IL1R2: variants seen among roughly 807,000 people sequenced by gnomAD.
IL1R2 encodes the protein interleukin 1 receptor type 2.
A neutral mutation model predicts 39.5 loss-of-function variants in IL1R2; 46 were observed. That is an observed-to-expected ratio of 1.16 (90% CI 0.92 to 1.49). The LOEUF (loss-of-function observed/expected upper bound fraction) is 1.49. Among genes scored for constraint, IL1R2 ranks in the 40% most tolerant of loss-of-function variants. IL1R2 has a pLI of 0.00. For synonymous variants in IL1R2, 207 were observed against 189.6 expected, an observed-to-expected ratio of 1.09 and a Z score of -0.75; for missense variants, 537 against 502.0, an observed-to-expected ratio of 1.07 and a Z score of -0.67.
intron 1 of IL1R2, among the ~76,000 whole-genome samples, chr2:101,995,526 A>G (rs1675547466): frequency 6.6e-6 from 1 of 152,212 alleles, no homozygotes; most frequent in Non-Finnish European, 1.5e-5. Flanking sequence ...GACCCTGAGC[A>G]GAGACATCTC....
chr2:102,018,899 C>T (rs1677181158), intron 4 of IL1R2, among the ~76,000 whole-genome samples: 1 of 152,202 alleles, frequency 6.6e-6, no homozygotes, highest in Non-Finnish European at 1.5e-5. Context: ...AGCCATGTGG[C>T]AATTTCAATT....
chr2:102,006,982 T>C (rs1187154117), intron 1 of IL1R2, among the ~76,000 whole-genome samples: 1 of 152,164 alleles, frequency 6.6e-6, no homozygotes, highest in Non-Finnish European at 1.5e-5. Flanking sequence ...GAGACACCCA[T>C]GGAGCAGACT....
intron 6 of IL1R2, among the ~76,000 whole-genome samples, chr2:102,023,914 G>A (rs1677552692): frequency 6.6e-6 from 1 of 152,098 alleles, no homozygotes; most frequent in Non-Finnish European, 1.5e-5. Context: ...GCCGGGCGTG[G>A]TGGCGGGTGC....
chr2:102,028,350 G>C lies in IL1R2; in HGVS notation c.1155G>C (p.Val385=). 6.2e-7 allele frequency: 1 copy of C among 1,606,688 alleles called. No individual in the cohort carries two copies. The highest frequency in any genetic ancestry group is 8.5e-7 in the Non-Finnish European group (1 of 1,176,460). Residue 385 remains valine (V), a synonymous_variant, in exon 9 of 9, where the codon GTG becomes GTC. Coordinates refer to ENST00000332549, the MANE Select transcript of IL1R2 (RefSeq NM_004633.4). ...CTGGAAAAGCAGATGGTCTGACTGT[G>C]CTATGGCCTCATCATCAAGACTTTC... is the stretch of plus-strand genomic sequence containing the variant. The part of the protein sequence containing the change: ...HRTGKADGLT[V]LWPHHQDFQS...
At chr2:102,008,852 G>A (rs1368889325) in intron 2 of IL1R2, among the ~76,000 whole-genome samples, 2 of 128,428 alleles carry the variant, frequency 1.6e-5, no homozygotes, top group African/African-American at 3.3e-5. Context: ...AGAGACCCAC[G>A]TCTCTACAAA....
chr2:102,015,923 A>G lies in IL1R2; in HGVS notation c.385A>G (p.Thr129Ala). The part of the protein sequence containing the change: ...MSIELRVFEN[T>A]DAFLPFISYP... ...CATTGAGCTCAGAGTTTTTGAGAAT[A>G]CAGATGCTTTCCTGCCGTTCATCTC... The change falls in exon 4 of 9, where the codon ACA becomes GCA. Residue 129 changes from threonine to alanine, a missense_variant. By Grantham distance (58) the Thr-to-Ala change is moderately conservative. Coordinates refer to ENST00000332549, the MANE Select transcript of IL1R2 (RefSeq NM_004633.4). 6.2e-7 allele frequency: 1 copy of G among 1,614,100 alleles called. No homozygotes were observed. Among genetic ancestry groups the G allele is most frequent in the Non-Finnish European group, 8.5e-7 (1 of 1,179,950 alleles).
chr2:102,017,531 T>C (rs561852133), intron 4 of IL1R2, among the ~76,000 whole-genome samples: 1 of 152,270 alleles, frequency 6.6e-6, no homozygotes, highest in African/African-American at 2.4e-5. Context: ...ACATCAGATA[T>C]TGTCATTAGA....
At chr2:102,025,120 A>T (rs1259056648) in intron 7 of IL1R2, among the ~76,000 whole-genome samples, 2 of 152,066 alleles carry the variant, frequency 1.3e-5, no homozygotes, top group African/African-American at 2.4e-5. Context: ...GTTAATAATT[A>T]AAAAAAAGAA....
chr2:102,011,212 A>G (rs1466205473), intron 3 of IL1R2, among the ~76,000 whole-genome samples: 1 of 152,200 alleles, frequency 6.6e-6, no homozygotes, highest in East Asian at 1.9e-4. Flanking sequence ...ATGTGAAGAT[A>G]TCTGTTCAAA....
intron 1 of IL1R2, among the ~76,000 whole-genome samples, chr2:101,996,499 TTTTTTTG>T (rs1409203359): frequency 1.0e-3 from 146 of 144,362 alleles, no homozygotes; most frequent in African/African-American, 3.3e-3. Context: ...TTTTTTTTTT[TTTTTTTG>T]GGGGGGAGAA....
In IL1R2 at chr2:102,026,094, A is replaced by G; in HGVS notation, c.888-17A>G. 6.4e-7 allele frequency: 1 copy of G among 1,560,790 alleles called. No homozygotes were observed. Among genetic ancestry groups the G allele is most frequent in the South Asian group, 1.1e-5 (1 of 87,236 alleles). ...ATTCGATACAATCATAATTAAGTGA[A>G]TGTTTTTTTAACTCAGGGAATATTC... On this transcript the variant is annotated splice_polypyrimidine_tract_variant and intron_variant, in intron 7 of 8. Transcript: ENST00000332549.
chr2:102,007,607 G>T lies in IL1R2; in HGVS notation c.-61-908G>T, dbSNP rs3218847. Among the ~76,000 whole-genome samples, 989 of 152,290 alleles carry T rather than the reference G, an allele frequency of 6.5e-3. 12 individuals carry two copies. The highest frequency in any genetic ancestry group is 0.023 in the African/African-American group (938 of 41,556). Reference sequence around the variant, plus strand: ...CCAAGATTAAGGACAATGCCCAGGAGAAAAAACATGGAATCACAGAAAAAG... The same window carrying T: ...CCAAGATTAAGGACAATGCCCAGGATAAAAAACATGGAATCACAGAAAAAG... On this transcript the variant is annotated intron_variant, in intron 1 of 8. Coordinates refer to ENST00000332549, the MANE Select transcript of IL1R2 (RefSeq NM_004633.4).
At chr2:102,004,295 A>T (rs182975727) in intron 1 of IL1R2, among the ~76,000 whole-genome samples, 59 of 152,252 alleles carry the variant, frequency 3.9e-4, no homozygotes, top group African/African-American at 1.4e-3. Context: ...AAAGGCAGGT[A>T]ACGGTTACCT....
intron 2 of IL1R2, among the ~76,000 whole-genome samples, chr2:102,009,194 T>C (rs1293552700): frequency 6.6e-6 from 1 of 152,148 alleles, no homozygotes; most frequent in Non-Finnish European, 1.5e-5. Context: ...ACTTTTACCA[T>C]CTAAACTCAG....
Position 102,017,065 on chromosome 2 carries a change from C to A in IL1R2, c.513+1014C>A, listed in dbSNP as rs547432017. ...CTACAAAAATGTAGAAAAAAGCTTA[C>A]ATAACAATTTTATAGACATATTAAA... On this transcript the variant is annotated intron_variant, in intron 4 of 8. Coordinates refer to ENST00000332549, the MANE Select transcript of IL1R2 (RefSeq NM_004633.4). Among the ~76,000 whole-genome samples, 9 of 152,230 alleles carry A rather than the reference C, an allele frequency of 5.9e-5. No homozygotes were observed. The South Asian group carries it at 1.9e-3, about 32-fold the overall frequency.
chr2:102,002,485 CTGT>C (rs1258669127), intron 1 of IL1R2, among the ~76,000 whole-genome samples: 13 of 150,744 alleles, frequency 8.6e-5, no homozygotes, highest in African/African-American at 2.2e-4. Context: ...GTGTCTGTGT[CTGT>C]GTCTGTGTCC....
intron 3 of IL1R2, among the ~76,000 whole-genome samples, chr2:102,013,574 A>AAAAAAAAAG (rs1676795403): frequency 7.7e-6 from 1 of 129,944 alleles, no homozygotes; most frequent in Non-Finnish European, 1.6e-5. Flanking sequence ...AAAGAAAAGA[A>AAAAAAAAAG]GGAAAAGAAA....
At chr2:102,003,168 A>ATGTCTG (rs1314174159) in intron 1 of IL1R2, among the ~76,000 whole-genome samples, 1 of 63,508 alleles carries the variant, frequency 1.6e-5, no homozygotes, top group African/African-American at 4.4e-5. Context: ...GTCTGTGTCT[A>ATGTCTG]TGTCTGTGTC....
chr2:102,017,033 A>T (rs1453224962), intron 4 of IL1R2, among the ~76,000 whole-genome samples: 1 of 152,216 alleles, frequency 6.6e-6, no homozygotes, highest in Non-Finnish European at 1.5e-5. Context: ...TTTTTACTGT[A>T]ATTTGTCTAC....
Sources: allele counts gnomAD v4.1 joint callset (sites outside exome capture counted in the v4.1 genomes callset), GRCh38; gene constraint gnomAD v4.1.1; transcripts MANE v1.5; gene names NCBI Gene and HGNC (gene_info 2026-07-23, HGNC 2026-07-21).